Variants in CACNG2 observed in about 807,000 individuals in gnomAD.
The protein encoded by CACNG2 is calcium voltage-gated channel auxiliary subunit gamma 2.
CACNG2 carries 3 observed loss-of-function variants against 25.9 expected under a neutral mutation model. The ratio of observed to expected loss-of-function variants is 0.12; its 90% CI spans 0.05 to 0.30. The LOEUF is 0.30. Ranked by LOEUF, CACNG2 falls within the 10% of genes least tolerant of loss-of-function variation. CACNG2 has a pLI of 1.00. For synonymous variants in CACNG2, 167 were observed against 173.3 expected, an observed-to-expected ratio of 0.96 and a Z score of 0.29; for missense variants, 341 against 432.5, an observed-to-expected ratio of 0.79 and a Z score of 1.88.
chr22:36,702,310 G>T, intron 1 of CACNG2, 56 bp downstream of exon 1: 1 of 1,053,104 alleles, frequency 9.5e-7, no homozygotes, highest in Non-Finnish European at 1.4e-6. Context: ...TGGGGAGGGG[G>T]GAGTGAAAGG....
At chr22:36,596,745 C>G (rs757194553) in intron 1 of CACNG2, among the ~76,000 whole-genome samples, 14 of 152,130 alleles carry the variant, frequency 9.2e-5, no homozygotes, top group Non-Finnish European at 1.9e-4. Context: ...TGGCTCTTGT[C>G]TCCATAGCTA....
intron 1 of CACNG2, among the ~76,000 whole-genome samples, chr22:36,598,229 C>T (rs1935704766): frequency 6.6e-6 from 1 of 152,184 alleles, no homozygotes; most frequent in South Asian, 2.1e-4. Context: ...GACTGTACTA[C>T]ACATTTCCAT....
At chr22:36,654,838 G>A (rs1253490489) in intron 1 of CACNG2, among the ~76,000 whole-genome samples, 2 of 152,150 alleles carry the variant, frequency 1.3e-5, no homozygotes, top group East Asian at 1.9e-4. Context: ...AGCTCCTTTA[G>A]GCAAATGTTT....
chr22:36,669,580 G>A (rs1055228811), intron 1 of CACNG2, among the ~76,000 whole-genome samples: 5 of 148,304 alleles, frequency 3.4e-5, no homozygotes, highest in Admixed American at 6.8e-5. Flanking sequence ...CAAACCACCC[G>A]CTTGAATGTT....
intron 1 of CACNG2, among the ~76,000 whole-genome samples, chr22:36,612,529 G>T (rs184381351): frequency 2.0e-5 from 3 of 152,106 alleles, no homozygotes; most frequent in Non-Finnish European, 4.4e-5. Context: ...AATATCTTCC[G>T]TACATTCATA....
At chr22:36,566,603 G>T (rs878938230) in intron 2 of CACNG2, 110 bp from the exon 3 acceptor site, 7 of 1,162,616 alleles carry the variant, frequency 6.0e-6, no homozygotes, top group East Asian at 2.4e-5. Context: ...TATGGACACA[G>T]CCTTAGAGGA....
At chr22:36,583,195 G>A (rs935633485) in intron 2 of CACNG2, among the ~76,000 whole-genome samples, 1 of 152,148 alleles carries the variant, frequency 6.6e-6, no homozygotes, top group Non-Finnish European at 1.5e-5. Context: ...CACTTTGGGA[G>A]GCTGAGGTGG....
At chr22:36,668,283 C>A (rs545857011) in intron 1 of CACNG2, among the ~76,000 whole-genome samples, 1 of 152,340 alleles carries the variant, frequency 6.6e-6, no homozygotes, top group African/African-American at 2.4e-5. Context: ...TCCCATGTAC[C>A]TCCCCATCTC....
At chr22:36,671,688 T>C (rs910300) in intron 1 of CACNG2, among the ~76,000 whole-genome samples, 150,255 of 152,286 alleles carry the variant, frequency 0.99, 74,129 homozygotes, top group Middle Eastern at 1. Context: ...GGGTTGACCA[T>C]GTTTCCCAGG....
At chr22:36,659,384 G>A (rs1385831042) in intron 1 of CACNG2, among the ~76,000 whole-genome samples, 1 of 152,110 alleles carries the variant, frequency 6.6e-6, no homozygotes, top group South Asian at 2.1e-4. Flanking sequence ...AGGAGAGGAA[G>A]GAGTGTGTTA....
intron 2 of CACNG2, among the ~76,000 whole-genome samples, chr22:36,570,145 G>C (rs1935200172): frequency 6.6e-6 from 1 of 152,232 alleles, no homozygotes; most frequent in Non-Finnish European, 1.5e-5. Flanking sequence ...TGGGAACCCG[G>C]ATGCCCCAGC....
chr22:36,625,036 A>AAAAAAAAAAAAG (rs982214206), intron 1 of CACNG2, among the ~76,000 whole-genome samples: 1 of 150,032 alleles, frequency 6.7e-6, no homozygotes, highest in African/African-American at 2.4e-5. Context: ...CAAAAAAAAA[A>AAAAAAAAAAAAG]AAAAAAGAAC....
At position 36,564,045 on chromosome 22, in the gene CACNG2, T is replaced by C. The variant is rs1227811220; in HGVS notation, c.*306A>G. On this transcript the variant is annotated 3_prime_UTR_variant, in exon 4 of 4. Coordinates refer to ENST00000300105, the MANE Select transcript of CACNG2 (RefSeq NM_006078.5). The surrounding 1 kb of genome is among the most constrained non-coding windows in gnomAD (Gnocchi z 6.7). The stretch of plus-strand genomic sequence containing the variant: ...TTCTTTTAGATTTATTTTCTATTTT[T>C]AATTTTTTATCCCTCTCGCTTTTTT... 1 of 259,296 alleles carries C rather than the reference T, an allele frequency of 3.9e-6. No individual in the cohort carries two copies. The highest frequency in any genetic ancestry group is 7.4e-5 in the East Asian group (1 of 13,582). 16.1% of individuals were successfully genotyped at this position (259,296 alleles called of 1,614,324 possible).
At chr22:36,670,502 G>A (rs1276129140) in intron 1 of CACNG2, among the ~76,000 whole-genome samples, 1 of 152,144 alleles carries the variant, frequency 6.6e-6, no homozygotes, top group African/African-American at 2.4e-5. Context: ...CAAAAAAATT[G>A]AGCTTTTGTG....
chr22:36,647,223 T>C (rs1936538918), intron 1 of CACNG2, among the ~76,000 whole-genome samples: 1 of 152,144 alleles, frequency 6.6e-6, no homozygotes, highest in South Asian at 2.1e-4. Context: ...ACACCTGCAG[T>C]GACCTCCTCC....
intron 1 of CACNG2, among the ~76,000 whole-genome samples, chr22:36,638,886 G>T (rs553518896): frequency 6.6e-6 from 1 of 152,182 alleles, no homozygotes; most frequent in African/African-American, 2.4e-5. Flanking sequence ...AAGTGCATGT[G>T]AGCATATTTA....
intron 1 of CACNG2, among the ~76,000 whole-genome samples, chr22:36,589,053 T>A (rs942656085): frequency 1.3e-5 from 2 of 149,190 alleles, no homozygotes; most frequent in African/African-American, 5.0e-5. Flanking sequence ...TGCAGTGGTG[T>A]GATCTCGGCT....
In CACNG2 at chr22:36,575,601, G is replaced by A. The variant is rs965584995; in HGVS notation, c.296-9108C>T. Reference sequence around the variant, plus strand: ...GTGCACTCTTTGCCTAGCTCTCCACGGGACCTGAGCATGTGCTATTCCTTC... The same window carrying A: ...GTGCACTCTTTGCCTAGCTCTCCACAGGACCTGAGCATGTGCTATTCCTTC... On this transcript the variant is annotated intron_variant, in intron 2 of 3. Coordinates refer to ENST00000300105, the MANE Select transcript of CACNG2 (RefSeq NM_006078.5). 1.2e-4 allele frequency among the ~76,000 whole-genome samples: 19 copies of A among 152,270 alleles called. No homozygotes were observed. The East Asian group carries it at 1.5e-3, about 12-fold the overall frequency.
chr22:36,564,466 G>A lies in CACNG2; in HGVS notation c.857C>T (p.Ala286Val). 1 of 1,614,036 alleles carries A rather than the reference G, an allele frequency of 6.2e-7. No individual in the cohort carries two copies. Among genetic ancestry groups the A allele is most frequent in the Non-Finnish European group, 8.5e-7 (1 of 1,179,978 alleles). The stretch of plus-strand genomic sequence containing the variant: ...GTTATCCCTGTCGGAGTTGTAGGTG[G>A]CGGTGGGCGTGGTGGCGGCCTTCAG... ...DPLKAATTPT[A>V]TYNSDRDNSF... The change falls in exon 4 of 4, where the codon GCC becomes GTC. Residue 286 changes from alanine to valine, a missense_variant. This residue lies in a region of CACNG2 where 172 missense variants were observed against 178.1 expected (regional missense o/e 0.97). Transcript: ENST00000300105. The surrounding 1 kb of genome is among the most constrained non-coding windows in gnomAD (Gnocchi z 6.7).
Sources: gnomAD v4.1 joint callset for allele counts (sites outside exome capture counted in the v4.1 genomes callset) on GRCh38, gnomAD v4.1.1 for gene constraint, gnomAD v4.1.1 regional missense constraint, Gnocchi (gnomAD v3.1) non-coding constraint, MANE v1.5 for transcripts, NCBI Gene and HGNC (gene_info 2026-07-23, HGNC 2026-07-21) for gene names.